Variants in MPHOSPH9 observed in about 807,000 individuals in gnomAD.
The protein encoded by MPHOSPH9 is M-phase phosphoprotein 9.
MPHOSPH9 carries 88 observed loss-of-function variants against 145.5 expected under a neutral mutation model. The ratio of observed to expected loss-of-function variants is 0.60; its 90% CI spans 0.51 to 0.72. The LOEUF is 0.72. MPHOSPH9 is among the 30% of genes least tolerant of loss of function. The pLI is 0.00. For synonymous variants in MPHOSPH9, 435 were observed against 486.2 expected, an observed-to-expected ratio of 0.89 and a Z score of 1.39; for missense variants, 1,238 against 1,386.6, an observed-to-expected ratio of 0.89 and a Z score of 1.70.
rs368681830 is a variant in MPHOSPH9, at chr12:123,180,015, G to T, written c.2290-25C>A. On this transcript the variant is annotated intron_variant, in intron 14 of 23. Transcript: ENST00000606320. ...CCTATGGAAATAAAGGAGAAATTCA[G>T]ATAACTGAAGACAAATATTCACATG... 274 of 1,201,700 alleles carry T rather than the reference G, an allele frequency of 2.3e-4. No individual in the cohort carries two copies. The African/African-American group carries it at 3.7e-3, about 16-fold the overall frequency. 74.4% of individuals were successfully genotyped at this position (1,201,700 alleles called of 1,614,324 possible). A position where few individuals can be genotyped will look rare whatever the true frequency, so the allele number is the denominator to read the frequency against.
intron 11 of MPHOSPH9, among the ~76,000 whole-genome samples, chr12:123,199,617 AC>A (rs946674392): frequency 1.3e-5 from 2 of 151,716 alleles, no homozygotes; most frequent in African/African-American, 2.4e-5. Context: ...ATACGGTGAA[AC>A]CCCGTCTCTA....
At chr12:123,223,939 ATTTT>A (rs886486364) in intron 3 of MPHOSPH9, among the ~76,000 whole-genome samples, 1 of 149,670 alleles carries the variant, frequency 6.7e-6, no homozygotes, top group Non-Finnish European at 1.5e-5. Context: ...TTATTTATTT[ATTTT>A]TTTTTTTGAG....
intron 6 of MPHOSPH9, among the ~76,000 whole-genome samples, chr12:123,216,860 G>A (rs2046983586): frequency 6.6e-6 from 1 of 151,852 alleles, no homozygotes; most frequent in Admixed American, 6.6e-5. Context: ...GTGGTGGCAC[G>A]CGCCTATAGT....
chr12:123,218,894 T>C (rs61048523), intron 5 of MPHOSPH9, among the ~76,000 whole-genome samples: 2 of 33,214 alleles, frequency 6.0e-5, no homozygotes, highest in African/African-American at 8.1e-5. Context: ...GTGTGTGGTT[T>C]TTGTTTGTTT....
At chr12:123,196,928 T>C (rs1004527150) in intron 12 of MPHOSPH9, among the ~76,000 whole-genome samples, 4 of 151,652 alleles carry the variant, frequency 2.6e-5, no homozygotes, top group Non-Finnish European at 4.4e-5. Flanking sequence ...ATTTCATTTA[T>C]ATCAATGTTC....
At chr12:123,161,078 C>T in intron 22 of MPHOSPH9, 58 bp downstream of exon 22, 2 of 1,580,708 alleles carry the variant, frequency 1.3e-6, no homozygotes, top group South Asian at 2.3e-5. Flanking sequence ...TTCCCTTCTC[C>T]TTAGACATAA....
chr12:123,225,679 CA>C (rs1421138129), intron 3 of MPHOSPH9, among the ~76,000 whole-genome samples: 3 of 151,888 alleles, frequency 2.0e-5, no homozygotes, highest in African/African-American at 7.3e-5. Flanking sequence ...ACAAATTTTC[CA>C]GAAGTTAAAA....
chr12:123,242,031 C>T (rs369715686), intron 1 of MPHOSPH9, among the ~76,000 whole-genome samples: 1 of 152,220 alleles, frequency 6.6e-6, no homozygotes, highest in East Asian at 1.9e-4. Flanking sequence ...CTTCATTTCT[C>T]TTTTATGCTA....
intron 1 of MPHOSPH9, 128 bp from the exon 2 acceptor site, chr12:123,230,650 T>C (rs547659230): frequency 2.5e-5 from 6 of 235,812 alleles, no homozygotes; most frequent in Non-Finnish European, 4.9e-5. Flanking sequence ...ACAGTATTCA[T>C]AATAATCAAA....
intron 16 of MPHOSPH9, among the ~76,000 whole-genome samples, chr12:123,174,166 C>T (rs1379146286): frequency 6.6e-6 from 1 of 152,176 alleles, no homozygotes; most frequent in African/African-American, 2.4e-5. Flanking sequence ...TGTGAGAGCA[C>T]AGGGAAACAC....
At chr12:123,175,356 T>C (rs2138035413) in intron 16 of MPHOSPH9, among the ~76,000 whole-genome samples, 1 of 152,220 alleles carries the variant, frequency 6.6e-6, no homozygotes, top group East Asian at 1.9e-4. Context: ...GGTTTCATCG[T>C]GTTAGCCAGG....
At chr12:123,219,684 T>C (rs1343134153) in intron 5 of MPHOSPH9, among the ~76,000 whole-genome samples, 1 of 152,194 alleles carries the variant, frequency 6.6e-6, no homozygotes, top group Non-Finnish European at 1.5e-5. Context: ...GTGTATTTGT[T>C]GGCATAAATC....
upstream of MPHOSPH9, chr12:123,233,957 A>G (rs2047780880): frequency 6.7e-6 from 1 of 148,826 alleles, no homozygotes; most frequent in South Asian, 2.1e-4. Flanking sequence ...TTTTGCGGAG[A>G]TACTCGTTTT....
chr12:123,160,832 G>C lies in MPHOSPH9; in HGVS notation c.3399C>G (p.Ser1133Arg). 1.9e-6 allele frequency: 3 copies of C among 1,613,840 alleles called. No individual in the cohort carries two copies. Among genetic ancestry groups the C allele is most frequent in the Non-Finnish European group, 2.5e-6 (3 of 1,179,940 alleles). ...TTCGTCCTCCAGGAGAAGGCATCCT[G>C]CTTAGTGCTGCCTCAATCTGTTAAC... is the stretch of plus-strand genomic sequence containing the variant. The part of the protein sequence containing the change: ...KEKDQIEAAL[S>R]RMPSPGGRIT... Residue 1133 changes from serine to arginine, a missense_variant, in exon 23 of 24, where the codon AGC becomes AGG. Physicochemically the swap from Ser to Arg is moderately radical, Grantham distance 110. This residue lies in a region of MPHOSPH9 where 393 missense variants were observed against 462.5 expected (regional missense o/e 0.85). Coordinates refer to ENST00000606320, the MANE Select transcript of MPHOSPH9 (RefSeq NM_022782.4).
intron 16 of MPHOSPH9, among the ~76,000 whole-genome samples, chr12:123,170,998 A>G (rs919730681): frequency 3.9e-5 from 6 of 152,346 alleles, no homozygotes; most frequent in Non-Finnish European, 8.8e-5. Context: ...GACAATTAAC[A>G]TGTTCTCATT....
intron 13 of MPHOSPH9, among the ~76,000 whole-genome samples, chr12:123,188,965 C>T (rs765575646): frequency 1.5e-4 from 23 of 152,004 alleles, no homozygotes; most frequent in Admixed American, 3.3e-4. Flanking sequence ...GAGCCCAGAA[C>T]TTCAAGGCTC....
intron 13 of MPHOSPH9, among the ~76,000 whole-genome samples, chr12:123,184,012 C>T (rs2045323369): frequency 6.6e-6 from 1 of 152,012 alleles, no homozygotes; most frequent in Admixed American, 6.6e-5. Flanking sequence ...TGGAGACCAG[C>T]CTGCGCAATA....
chr12:123,164,088 T>C lies in MPHOSPH9; in HGVS notation c.2770A>G (p.Asn924Asp). The C allele has an allele frequency of 6.2e-7, 1 of 1,614,054 alleles. No individual in the cohort carries two copies. Among genetic ancestry groups the C allele is most frequent in the Non-Finnish European group, 8.5e-7 (1 of 1,179,984 alleles). ...QTEKEDTSNI[N>D]PRQTETSVNA... ...ACTGAAGTTTCAGTTTGCCGAGGAT[T>C]TACTACAGCAGACCAAAAAAAAGCA... The change falls in exon 19 of 24, where the codon AAT becomes GAT. Residue 924 changes from asparagine (N) to aspartate (D), a missense_variant and splice_region_variant. Transcript: ENST00000606320.
In MPHOSPH9 at chr12:123,160,362, T is replaced by G. The variant is rs2137863396; in HGVS notation, c.3450+419A>C. ...TCACTTTTTGAACCTCTACAGCTAT[T>G]CAGTTTCCAAAGTGTAACCATTTTA... On this transcript the variant is annotated intron_variant, in intron 23 of 23. Transcript: ENST00000606320. 1.2e-5 allele frequency: 2 copies of G among 168,860 alleles called. 1 individual carries two copies. Among genetic ancestry groups the G allele is most frequent in the South Asian group, 3.1e-4 (2 of 6,508 alleles). 10.5% of individuals were successfully genotyped at this position (168,860 alleles called of 1,614,324 possible). A position where few individuals can be genotyped will look rare whatever the true frequency, so the allele number is the denominator to read the frequency against.
Sources: gnomAD v4.1 joint callset for allele counts (sites outside exome capture counted in the v4.1 genomes callset) on GRCh38, gnomAD v4.1.1 for gene constraint, gnomAD v4.1.1 regional missense constraint, MANE v1.5 for transcripts, NCBI Gene and HGNC (gene_info 2026-07-23, HGNC 2026-07-21) for gene names.